Variants in ST3GAL3 observed in about 807,000 individuals in gnomAD.
ST3GAL3 encodes the protein CMP-N-acetylneuraminate-beta-1,4-galactoside alpha-2,3-sialyltransferase.
In ST3GAL3, 21 loss-of-function variants were observed where a neutral mutation model predicts 50.1. The observed-to-expected ratio is 0.42, with a 90% CI of 0.30 to 0.60. ST3GAL3 has a LOEUF of 0.60. Among genes scored for constraint, ST3GAL3 ranks in the 20% least tolerant of loss-of-function variants. The pLI is 0.19. For synonymous variants in ST3GAL3, 183 were observed against 190.0 expected, an observed-to-expected ratio of 0.96 and a Z score of 0.30; for missense variants, 353 against 489.4, an observed-to-expected ratio of 0.72 and a Z score of 2.63.
At chr1:43,728,357 AC>A (rs1466204331) in intron 1 of ST3GAL3, among the ~76,000 whole-genome samples, 3 of 128,732 alleles carry the variant, frequency 2.3e-5, no homozygotes, top group Non-Finnish European at 5.6e-5. Flanking sequence ...AAAAACAAAA[AC>A]AAAAACACCA....
chr1:43,710,056 T>C (rs1663847869), intron 1 of ST3GAL3, among the ~76,000 whole-genome samples: 1 of 152,130 alleles, frequency 6.6e-6, no homozygotes, highest in Non-Finnish European at 1.5e-5. Flanking sequence ...CCAGGTCTTG[T>C]TGACCCTACT....
At position 43,879,867 on chromosome 1, in the gene ST3GAL3, A is replaced by G. The variant is rs1211607041; in HGVS notation, c.303-14516A>G. On this transcript the variant is annotated intron_variant, in intron 5 of 11. Coordinates refer to ENST00000347631, the MANE Select transcript of ST3GAL3 (RefSeq NM_006279.5). ...CATCATACTCCTGTCCTTCCATCAA[A>G]CCTGCTACAGCAGGGCCCAAACGTG... Among the ~76,000 whole-genome samples, 4 of 152,012 alleles carry G rather than the reference A, an allele frequency of 2.6e-5. No individual in the cohort carries two copies. The South Asian group carries it at 6.2e-4, about 24-fold the overall frequency.
intron 2 of ST3GAL3, among the ~76,000 whole-genome samples, chr1:43,776,116 T>C (rs768913948): frequency 2.6e-5 from 4 of 152,118 alleles, no homozygotes; most frequent in Admixed American, 6.5e-5. Context: ...AGAGCCGTGC[T>C]AACAGCACCA....
intron 5 of ST3GAL3, among the ~76,000 whole-genome samples, chr1:43,848,294 C>CTTTTT (rs58438507): frequency 8.8e-4 from 62 of 70,370 alleles, no homozygotes; most frequent in African/African-American, 2.3e-3. Flanking sequence ...TTGTGGTTTT[C>CTTTTT]TTTTTTTTTT....
chr1:43,864,852 A>G (rs1023901250), intron 5 of ST3GAL3, among the ~76,000 whole-genome samples: 2 of 152,104 alleles, frequency 1.3e-5, no homozygotes, highest in Admixed American at 6.5e-5. Context: ...ATTTCCTAAC[A>G]TAGGAAACAC....
chr1:43,783,576 G>A (rs1700036706), intron 2 of ST3GAL3, among the ~76,000 whole-genome samples: 1 of 152,092 alleles, frequency 6.6e-6, no homozygotes, highest in African/African-American at 2.4e-5. Context: ...TTCCTTTCCT[G>A]TTTCTAGAGC....
chr1:43,821,689 C>T (rs997900791), intron 4 of ST3GAL3, among the ~76,000 whole-genome samples: 13 of 152,130 alleles, frequency 8.5e-5, no homozygotes, highest in African/African-American at 3.1e-4. Flanking sequence ...CCCGTCTTCC[C>T]CAGGGGTTGG....
chr1:43,821,380 G>A (rs1368664561), intron 4 of ST3GAL3, among the ~76,000 whole-genome samples: 3 of 152,092 alleles, frequency 2.0e-5, no homozygotes, highest in Non-Finnish European at 4.4e-5. Flanking sequence ...CTTTGCAGAG[G>A]GCTGTAAAAA....
chr1:43,827,061 C>T (rs1200716591), intron 4 of ST3GAL3, among the ~76,000 whole-genome samples: 1 of 152,092 alleles, frequency 6.6e-6, no homozygotes, highest in Admixed American at 6.5e-5. Flanking sequence ...CACTCCTGTT[C>T]AACATTATAC....
intron 2 of ST3GAL3, among the ~76,000 whole-genome samples, chr1:43,757,624 C>T (rs1179236930): frequency 6.6e-6 from 1 of 152,136 alleles, no homozygotes; most frequent in African/African-American, 2.4e-5. Flanking sequence ...TTATTTCTCA[C>T]CATGTACAAA....
At chr1:43,739,943 G>C (rs1680124367) in intron 2 of ST3GAL3, among the ~76,000 whole-genome samples, 1 of 152,078 alleles carries the variant, frequency 6.6e-6, no homozygotes, top group Non-Finnish European at 1.5e-5. Flanking sequence ...TATACATGTA[G>C]TATGATAAAA....
intron 4 of ST3GAL3, among the ~76,000 whole-genome samples, chr1:43,817,622 C>G (rs1233803513): frequency 1.6e-5 from 2 of 125,222 alleles, no homozygotes; most frequent in Non-Finnish European, 3.3e-5. Context: ...TCCTTCTCCT[C>G]CTCCCTTCTC....
intron 4 of ST3GAL3, among the ~76,000 whole-genome samples, chr1:43,837,560 GC>G (rs2064572047): frequency 6.6e-6 from 1 of 152,196 alleles, no homozygotes; most frequent in Admixed American, 6.5e-5. Flanking sequence ...AAGGCCAGGG[GC>G]TCTGAGTATC....
In ST3GAL3 at chr1:43,899,273, C is replaced by A; in HGVS notation, c.557+10C>A. On this transcript the variant is annotated intron_variant, in intron 8 of 11. Coordinates refer to ENST00000347631, the MANE Select transcript of ST3GAL3 (RefSeq NM_006279.5). This position sits in a 1 kb window ranked among gnomAD's most constrained non-coding sequence, Gnocchi z 5.4. ...ATGACATTGTGGTGAGGTGAGCTCC[C>A]CAAAATGGCACCTCGGGTGAGTGTC... The A allele has an allele frequency of 6.2e-7, 1 of 1,614,204 alleles. No homozygotes were observed. The highest frequency in any genetic ancestry group is 8.5e-7 in the Non-Finnish European group (1 of 1,180,032).
At chr1:43,821,545 A>G (rs1206609743) in intron 4 of ST3GAL3, among the ~76,000 whole-genome samples, 1 of 152,230 alleles carries the variant, frequency 6.6e-6, no homozygotes, top group African/African-American at 2.4e-5. Flanking sequence ...AATTGGACCA[A>G]GAAGAAGCAG....
chr1:43,808,894 G>A (rs1453871802), intron 3 of ST3GAL3, among the ~76,000 whole-genome samples: 1 of 152,184 alleles, frequency 6.6e-6, no homozygotes, highest in Non-Finnish European at 1.5e-5. Flanking sequence ...ATAATGCATG[G>A]GGTATCTCAT....
chr1:43,856,885 T>G (rs1482029979), intron 5 of ST3GAL3, among the ~76,000 whole-genome samples: 1 of 152,242 alleles, frequency 6.6e-6, no homozygotes, highest in Non-Finnish European at 1.5e-5. Context: ...TCTTTCCTCT[T>G]TGCTCTATCT....
chr1:43,836,851 T>C (rs1049971676), intron 4 of ST3GAL3, among the ~76,000 whole-genome samples: 35 of 152,338 alleles, frequency 2.3e-4, no homozygotes, highest in African/African-American at 7.7e-4. Flanking sequence ...CAGACCCACA[T>C]TGAACGCATA....
In ST3GAL3 at chr1:43,813,920, C is replaced by CAT. The variant is rs2060923767; in HGVS notation, c.167-970_167-969insTA. ...GCACACACGCACACACACACACACA[C>CAT]ACACACACACACACTGCAACTATGG... On this transcript the variant is annotated intron_variant, in intron 3 of 11. Transcript: ENST00000347631. 2.0e-5 allele frequency among the ~76,000 whole-genome samples: 3 copies of CAT among 151,724 alleles called. No homozygotes were observed. In the South Asian group the frequency reaches 6.3e-4, roughly 32 times the overall value.
Sources: gnomAD v4.1 joint callset for allele counts (sites outside exome capture counted in the v4.1 genomes callset) on GRCh38, gnomAD v4.1.1 for gene constraint, Gnocchi (gnomAD v3.1) non-coding constraint, MANE v1.5 for transcripts, NCBI Gene and HGNC (gene_info 2026-07-23, HGNC 2026-07-21) for gene names.